The following PACRGL variants were observed in gnomAD, a reference collection of about 807,000 sequenced individuals.
PACRGL encodes PACRG-like protein.
A neutral mutation model predicts 34.5 loss-of-function variants in PACRGL; 38 were observed. The observed-to-expected ratio is 1.10, with a 90% CI of 0.85 to 1.44. PACRGL has a LOEUF of 1.44. Ranked by LOEUF, PACRGL falls within the 40% of genes most tolerant of loss-of-function variation. The pLI is 0.00. For synonymous variants in PACRGL, 128 were observed against 100.1 expected (o/e 1.28, Z -1.66); for missense variants, 305 against 281.4 (o/e 1.08, Z -0.60).
chr4:20,719,215 C>T (rs1015503006), intron 7 of PACRGL, among the ~76,000 whole-genome samples: 1 of 152,050 alleles, frequency 6.6e-6, no homozygotes, highest in Non-Finnish European at 1.5e-5. Context: ...TTTGATTCTT[C>T]TCTCTTTACT....
At chr4:20,698,630 A>T (rs1293780185), upstream of PACRGL, among the ~76,000 whole-genome samples, 4 of 152,206 alleles carry the variant, frequency 2.6e-5, no homozygotes, top group African/African-American at 2.4e-5. Flanking sequence ...TGCAATGCCA[A>T]GGAGCATGTT....
In PACRGL at chr4:20,701,710, C is replaced by G. The variant is rs867444029; in HGVS notation, c.-17+923C>G. The G allele has an allele frequency of 8.2e-5, 29 of 355,112 alleles. No homozygotes were observed. The Middle Eastern group carries it at 1.8e-3, about 22-fold the overall frequency. 22.0% of individuals were successfully genotyped at this position (355,112 alleles called of 1,614,324 possible). A position where few individuals can be genotyped will look rare whatever the true frequency, so the allele number is the denominator to read the frequency against. On this transcript the variant is annotated intron_variant, in intron 1 of 8. Transcript: ENST00000503585. Reference sequence around the variant, plus strand: ...AAATTGACTACATTTCCCGTCGTCCCTTGGTGTCCGTGGAGAATTGGCTCC... The same window carrying G: ...AAATTGACTACATTTCCCGTCGTCCGTTGGTGTCCGTGGAGAATTGGCTCC...
chr4:20,727,351 C>G lies in PACRGL; in HGVS notation c.*10C>G. ...CTCCATATGCTGTTGAAGAAGGGAG[C>G]CAACAAAAATTGTTTTTTCTACCTG... On this transcript the variant is annotated 3_prime_UTR_variant, in exon 9 of 9. Transcript: ENST00000503585. 1 of 1,607,610 alleles carries G rather than the reference C, an allele frequency of 6.2e-7. No homozygotes were observed. The highest frequency in any genetic ancestry group is 8.5e-7 in the Non-Finnish European group (1 of 1,174,524).
At chr4:20,702,317 A>G (rs1732551511) in intron 1 of PACRGL, 2 of 415,024 alleles carry the variant, frequency 4.8e-6, no homozygotes, top group Non-Finnish European at 9.7e-6. Context: ...CATCGCTTTT[A>G]TCTGTTGCAG....
At chr4:20,720,612 TG>T (rs1245721920) in intron 7 of PACRGL, among the ~76,000 whole-genome samples, 1 of 152,248 alleles carries the variant, frequency 6.6e-6, no homozygotes, top group Admixed American at 6.5e-5. Flanking sequence ...TATGAAATTT[TG>T]GGTTGAAAAT....
chr4:20,763,796 A>G, the PACRGL span, among the ~76,000 whole-genome samples: 1 of 152,152 alleles, frequency 6.6e-6, no homozygotes, highest in South Asian at 2.1e-4. Flanking sequence ...CCCTGCCACA[A>G]GCAATCCTGC....
intron 1 of PACRGL, among the ~76,000 whole-genome samples, chr4:20,703,290 C>T (rs1336012617): frequency 2.0e-5 from 3 of 152,022 alleles, no homozygotes; most frequent in Non-Finnish European, 2.9e-5. Context: ...TAAAATGAGA[C>T]GTGTGCTAAT....
chr4:20,761,399 ATC>A, the PACRGL span, among the ~76,000 whole-genome samples: 1 of 152,238 alleles, frequency 6.6e-6, no homozygotes, highest in South Asian at 2.1e-4. Flanking sequence ...TATACAGCTA[ATC>A]TCTCAAACAT....
At chr4:20,750,334 G>A (rs572089472) in intron 8 of PACRGL, among the ~76,000 whole-genome samples, 54 of 152,304 alleles carry the variant, frequency 3.5e-4, no homozygotes, top group Admixed American at 8.5e-4. Context: ...AGGCAGTAAA[G>A]TTGGCTGATG....
In PACRGL at chr4:20,727,648, T is replaced by C. The variant is rs944456126; in HGVS notation, c.*307T>C. On this transcript the variant is annotated 3_prime_UTR_variant, in exon 9 of 9. Transcript: ENST00000503585. Reference sequence around the variant, plus strand: ...ATTTGTATTTTCTAGTGTCTTTTTATTTATAACAACACTTTTTTGGCAATC... The same window carrying C: ...ATTTGTATTTTCTAGTGTCTTTTTACTTATAACAACACTTTTTTGGCAATC... 4.8e-6 allele frequency: 1 copy of C among 208,418 alleles called. No homozygotes were observed. The highest frequency in any genetic ancestry group is 8.8e-6 in the Non-Finnish European group (1 of 113,000). The allele number at this position is 208,418 out of a possible 1,614,324, so 12.9% of individuals were successfully genotyped here.
intron 8 of PACRGL, among the ~76,000 whole-genome samples, chr4:20,741,205 T>G (rs536818023): frequency 2.0e-5 from 3 of 152,258 alleles, no homozygotes; most frequent in Non-Finnish European, 4.4e-5. Flanking sequence ...TGAACTCAGC[T>G]CTGCAGCAAG....
chr4:20,744,015 C>G (rs1178578637), intron 8 of PACRGL, among the ~76,000 whole-genome samples: 3 of 152,008 alleles, frequency 2.0e-5, no homozygotes, highest in African/African-American at 7.2e-5. Context: ...TGAAAAAATG[C>G]TCATCATCAC....
In PACRGL at chr4:20,712,848, C is replaced by T. The variant is rs1440844504; in HGVS notation, c.427C>T (p.Leu143Phe). ...GTCAAAGGAGGGTTTTAGAGAATTA[C>T]TTTTGGTCAAAGGTGCTCCTGAAAA... ...FVSKEGFRELLLVKGAPEKAI... is the reference protein window; with the variant it reads ...FVSKEGFRELFLVKGAPEKAI... Residue 143 changes from leucine to phenylalanine, a missense_variant, in exon 6 of 9, where the codon CTT becomes TTT. Physicochemically the swap from Leu to Phe is conservative, Grantham distance 22 (BLOSUM62 0). Coordinates refer to ENST00000503585, the MANE Select transcript of PACRGL (RefSeq NM_001258345.3). 3.1e-6 allele frequency: 5 copies of T among 1,604,806 alleles called. No homozygotes were observed. Among genetic ancestry groups the T allele is most frequent in the Middle Eastern group, 1.7e-4 (1 of 6,004 alleles).
downstream of PACRGL, among the ~76,000 whole-genome samples, chr4:20,754,974 CA>C (rs1463196285): frequency 6.6e-6 from 1 of 151,956 alleles, no homozygotes; most frequent in East Asian, 1.9e-4. Flanking sequence ...TTAAAAAATC[CA>C]TGGGTTTTAA....
At position 20,731,512 on chromosome 4, in the gene PACRGL, G is replaced by A; in HGVS notation, c.*4171G>A. On this transcript the variant is annotated 3_prime_UTR_variant, in exon 9 of 9. Coordinates refer to ENST00000503585, the MANE Select transcript of PACRGL (RefSeq NM_001258345.3). ...TTTCCACTGTTTATTTTTTGTGACT[G>A]AAGACCATTAGTGAGTTCAGTCAAA... is the stretch of plus-strand genomic sequence containing the variant. 2.0e-6 allele frequency: 2 copies of A among 985,346 alleles called. No homozygotes were observed. Among genetic ancestry groups the A allele is most frequent in the Non-Finnish European group, 2.4e-6 (2 of 829,918 alleles). 61.0% of individuals were successfully genotyped at this position (985,346 alleles called of 1,614,324 possible).
chr4:20,739,938 C>G (rs1259279058), intron 8 of PACRGL, among the ~76,000 whole-genome samples: 1 of 152,234 alleles, frequency 6.6e-6, no homozygotes, highest in African/African-American at 2.4e-5. Flanking sequence ...CAAGAACTAT[C>G]TGATGCATTC....
intron 3 of PACRGL, among the ~76,000 whole-genome samples, chr4:20,706,292 A>T (rs770168516): frequency 3.9e-5 from 6 of 152,144 alleles, no homozygotes; most frequent in Non-Finnish European, 5.9e-5. Context: ...TTGTGGGTAT[A>T]TTGAAATTTT....
chr4:20,708,041 AG>A (rs1735355923), intron 4 of PACRGL, among the ~76,000 whole-genome samples, 171 bp downstream of exon 4: 1 of 152,212 alleles, frequency 6.6e-6, no homozygotes, highest in Non-Finnish European at 1.5e-5. Context: ...ATGTTGTTGA[AG>A]AAAACCATTC....
intron 8 of PACRGL, among the ~76,000 whole-genome samples, chr4:20,752,308 C>T (rs1407657767): frequency 6.6e-6 from 1 of 152,088 alleles, no homozygotes; most frequent in Non-Finnish European, 1.5e-5. Flanking sequence ...ATCAGCCTGC[C>T]TCAGCCTCCC....
Sources: allele counts gnomAD v4.1 joint callset (sites outside exome capture counted in the v4.1 genomes callset), GRCh38; gene constraint gnomAD v4.1.1; transcripts MANE v1.5; gene names NCBI Gene and HGNC (gene_info 2026-07-23, HGNC 2026-07-21).